Variants in MDGA2 observed in about 807,000 individuals in gnomAD.
MDGA2 encodes the protein MAM domain containing glycosylphosphatidylinositol anchor 2.
MDGA2 carries 40 observed loss-of-function variants against 117.8 expected under a neutral mutation model. That is an observed-to-expected ratio of 0.34 (90% CI 0.26 to 0.44). MDGA2 has a LOEUF of 0.44. Ranked by LOEUF, MDGA2 falls within the 20% of genes least tolerant of loss-of-function variation. The pLI, the probability that MDGA2 is intolerant of heterozygous loss-of-function variation, is 1.00. For missense variants in MDGA2, 1,123 were observed against 1,250.6 expected (o/e 0.90, Z 1.54); for synonymous variants, 452 against 439.0 (o/e 1.03, Z -0.37).
At chr14:47,164,861 A>T (rs1883797857) in intron 3 of MDGA2, among the ~76,000 whole-genome samples, 1 of 152,220 alleles carries the variant, frequency 6.6e-6, no homozygotes. Flanking sequence ...CAAATGTCCA[A>T]CAATGATAGA....
At chr14:46,877,549 A>G (rs766142058) in intron 11 of MDGA2, 40 bp from the exon 12 acceptor site, 1 of 1,426,882 alleles carries the variant, frequency 7.0e-7, no homozygotes, top group Non-Finnish European at 9.7e-7. Flanking sequence ...CAAAAAAACA[A>G]TGTTAGCATG....
chr14:47,042,025 C>T (rs2138680986), intron 7 of MDGA2, among the ~76,000 whole-genome samples: 1 of 152,124 alleles, frequency 6.6e-6, no homozygotes, highest in South Asian at 2.1e-4. Context: ...GACAATCAGA[C>T]TCATATTTCC....
intron 3 of MDGA2, among the ~76,000 whole-genome samples, chr14:47,207,361 C>T (rs1426120583): frequency 2.0e-5 from 3 of 151,814 alleles, no homozygotes; most frequent in East Asian, 1.9e-4. Flanking sequence ...AAATTTTTAG[C>T]GGCAAGTACT....
At chr14:47,490,094 A>C (rs1016561492) in intron 1 of MDGA2, among the ~76,000 whole-genome samples, 1 of 152,146 alleles carries the variant, frequency 6.6e-6, no homozygotes, top group Non-Finnish European at 1.5e-5. Context: ...TGTCAGCAGT[A>C]GAATAAAATT....
intron 6 of MDGA2, among the ~76,000 whole-genome samples, chr14:47,068,387 T>C (rs973223166): frequency 3.3e-5 from 4 of 120,882 alleles, no homozygotes; most frequent in African/African-American, 1.4e-4. Flanking sequence ...ATTCCTACCA[T>C]TTTAATCCTA....
chr14:46,959,459 T>C (rs1387766777), intron 8 of MDGA2, among the ~76,000 whole-genome samples: 1 of 152,086 alleles, frequency 6.6e-6, no homozygotes, highest in Admixed American at 6.6e-5. Flanking sequence ...ATCTTTAAAT[T>C]TTACAAGCAC....
intron 1 of MDGA2, among the ~76,000 whole-genome samples, chr14:47,400,686 GAAAC>G (rs1234087098): frequency 2.1e-5 from 3 of 141,694 alleles, no homozygotes; most frequent in South Asian, 2.3e-4. Flanking sequence ...ACTCCGTCTC[GAAAC>G]AAACAAACAA....
chr14:47,524,726 T>C (rs1201204141), intron 1 of MDGA2, among the ~76,000 whole-genome samples: 2 of 152,222 alleles, frequency 1.3e-5, no homozygotes, highest in Non-Finnish European at 2.9e-5. Context: ...GAATAGGCTT[T>C]CTCATGTGCA....
chr14:46,955,770 T>C (rs1885541880), intron 9 of MDGA2, among the ~76,000 whole-genome samples: 2 of 120,840 alleles, frequency 1.7e-5, no homozygotes, highest in South Asian at 5.1e-4. Flanking sequence ...GGGATGACTA[T>C]ACAAAATTCA....
At position 47,315,678 on chromosome 14, in the gene MDGA2, C is replaced by A. The variant is rs145139028; in HGVS notation, c.281-14128G>T. On this transcript the variant is annotated intron_variant, in intron 1 of 16. Transcript: ENST00000399232. ...AATACATAAAAATCCAAGGAATGAC[C>A]AAGCTCATTAAGGTTTAGGTCACCG... Among the ~76,000 whole-genome samples the A allele has an allele frequency of 4.2e-3, 637 of 152,120 alleles. 3 individuals carry two copies. The highest frequency in any genetic ancestry group is 0.015 in the African/African-American group (614 of 41,550).
intron 5 of MDGA2, among the ~76,000 whole-genome samples, chr14:47,116,164 A>G (rs1012967416): frequency 4.6e-5 from 7 of 152,014 alleles, no homozygotes; most frequent in African/African-American, 1.7e-4. Context: ...CACATTTACA[A>G]TAACACCAAA....
chr14:46,945,733 C>T (rs1422691836), intron 9 of MDGA2, among the ~76,000 whole-genome samples: 2 of 152,070 alleles, frequency 1.3e-5, no homozygotes, highest in African/African-American at 4.8e-5. Flanking sequence ...CTAGAATAAT[C>T]ATGGGGCTCA....
At chr14:47,095,323 G>T (rs997837441) in intron 6 of MDGA2, among the ~76,000 whole-genome samples, 1 of 151,828 alleles carries the variant, frequency 6.6e-6, no homozygotes, top group Non-Finnish European at 1.5e-5. Context: ...CCATAATTTG[G>T]AATTATTAAT....
chr14:46,918,530 T>C (rs1414071993), intron 10 of MDGA2, among the ~76,000 whole-genome samples: 1 of 152,168 alleles, frequency 6.6e-6, no homozygotes, highest in Non-Finnish European at 1.5e-5. Flanking sequence ...AGAACGATGT[T>C]AATATAGATT....
At chr14:47,261,372 T>A (rs1887790095) in intron 2 of MDGA2, among the ~76,000 whole-genome samples, 1 of 152,122 alleles carries the variant, frequency 6.6e-6, no homozygotes, top group African/African-American at 2.4e-5. Context: ...GAGTGAAATG[T>A]GAAATTAGAT....
chr14:47,170,755 C>A (rs1286689100), intron 3 of MDGA2, among the ~76,000 whole-genome samples: 2 of 152,108 alleles, frequency 1.3e-5, no homozygotes, highest in Admixed American at 6.5e-5. Context: ...CCTATAAAAA[C>A]TTCTGACAAG....
At chr14:47,525,142 C>T (rs1894945103) in intron 1 of MDGA2, among the ~76,000 whole-genome samples, 1 of 152,194 alleles carries the variant, frequency 6.6e-6, no homozygotes, top group Admixed American at 6.5e-5. Flanking sequence ...CTAACTCTGT[C>T]CTCTGGATAA....
intron 7 of MDGA2, chr14:47,058,862 C>T (rs1889776600): frequency 1.6e-5 from 16 of 985,366 alleles, no homozygotes; most frequent in South Asian, 9.4e-5. Context: ...GCCTGCCATC[C>T]GTGTAGCCAC....
At chr14:47,078,053 AATATG>A (rs770580770) in intron 6 of MDGA2, among the ~76,000 whole-genome samples, 35 of 152,120 alleles carry the variant, frequency 2.3e-4, no homozygotes, top group Non-Finnish European at 4.6e-4. Context: ...GGGATGAGGA[AATATG>A]ATATAATATG....
Sources: gnomAD v4.1 joint callset for allele counts (sites outside exome capture counted in the v4.1 genomes callset) on GRCh38, gnomAD v4.1.1 for gene constraint, MANE v1.5 for transcripts, NCBI Gene and HGNC (gene_info 2026-07-23, HGNC 2026-07-21) for gene names.